AGBL1: variants seen among roughly 807,000 people sequenced by gnomAD.
The protein encoded by AGBL1 is cytosolic carboxypeptidase 4.
AGBL1 carries 130 observed loss-of-function variants against 118.9 expected under a neutral mutation model. The ratio of observed to expected loss-of-function variants is 1.09; its 90% CI spans 0.95 to 1.26. The LOEUF is 1.26. Ranked by LOEUF, AGBL1 falls within the 50% of genes most tolerant of loss-of-function variation. The pLI, the probability that AGBL1 is intolerant of heterozygous loss-of-function variation, is 0.00. For missense variants in AGBL1, 1,584 were observed against 1,298.1 expected (o/e 1.22, Z -3.38); for synonymous variants, 555 against 478.9 (o/e 1.16, Z -2.08).
intron 22 of AGBL1, among the ~76,000 whole-genome samples, chr15:86,807,439 A>T (rs548785840): frequency 6.6e-6 from 1 of 152,278 alleles, no homozygotes; most frequent in African/African-American, 2.4e-5. Flanking sequence ...GTGGTTGCTG[A>T]TGACAACAGT....
intron 17 of AGBL1, 75 bp downstream of exon 17, chr15:86,295,483 C>T (rs2141776429): frequency 2.1e-6 from 3 of 1,432,012 alleles, no homozygotes; most frequent in East Asian, 2.4e-5. Context: ...CATTCTGTCT[C>T]TTTTAGATCA....
intron 21 of AGBL1, among the ~76,000 whole-genome samples, chr15:86,580,549 G>A (rs2084159649): frequency 6.6e-6 from 1 of 151,856 alleles, no homozygotes; most frequent in Non-Finnish European, 1.5e-5. Flanking sequence ...TACATTTATG[G>A]ATCATTAATT....
At position 86,570,596 on chromosome 15, in the gene AGBL1, A is replaced by G. The variant is rs561221620; in HGVS notation, c.2994+16059A>G. Among the ~76,000 whole-genome samples, 70 of 152,312 alleles carry G rather than the reference A, an allele frequency of 4.6e-4. 1 individual carries two copies. The South Asian group carries it at 0.015, about 32-fold the overall frequency. On this transcript the variant is annotated intron_variant, in intron 21 of 22. Transcript: ENST00000614907. ...GTCCATGAGTGTTAATATGTTAATG[A>G]GCATATAATGACATTCTAGGAGAAA...
intron 23 of AGBL1, among the ~76,000 whole-genome samples, chr15:86,928,421 G>C (rs1283390610): frequency 6.6e-6 from 1 of 152,140 alleles, no homozygotes; most frequent in Non-Finnish European, 1.5e-5. Context: ...AATCAATCCT[G>C]ACAATGAACC....
intron 4 of AGBL1, among the ~76,000 whole-genome samples, chr15:86,156,680 A>C (rs1343720285): frequency 6.6e-6 from 1 of 152,166 alleles, no homozygotes; most frequent in Non-Finnish European, 1.5e-5. Flanking sequence ...GTCTTTTGAA[A>C]TAGTAGAATG....
At chr15:86,849,253 G>T (rs769455779) in intron 22 of AGBL1, among the ~76,000 whole-genome samples, 5 of 152,154 alleles carry the variant, frequency 3.3e-5, no homozygotes, top group Non-Finnish European at 5.9e-5. Flanking sequence ...AGCTTTCTCT[G>T]CTTTGCCTCA....
At chr15:86,958,601 C>A (rs943385705) in intron 23 of AGBL1, among the ~76,000 whole-genome samples, 5 of 152,130 alleles carry the variant, frequency 3.3e-5, no homozygotes, top group Non-Finnish European at 7.4e-5. Flanking sequence ...CTGTGCTATA[C>A]ACATAAATCT....
intron 19 of AGBL1, among the ~76,000 whole-genome samples, chr15:86,539,701 T>G (rs557975224): frequency 1.3e-5 from 2 of 152,228 alleles, no homozygotes; most frequent in African/African-American, 4.8e-5. Flanking sequence ...TGTCATTTGC[T>G]TGGATAGCTC....
chr15:86,876,173 C>T (rs1269466392), intron 22 of AGBL1, among the ~76,000 whole-genome samples: 1 of 152,032 alleles, frequency 6.6e-6, no homozygotes, highest in Non-Finnish European at 1.5e-5. Flanking sequence ...TCCTGTATAC[C>T]AAGGACTCTG....
At chr15:86,556,134 A>G (rs1258196412) in intron 21 of AGBL1, 6 of 1,104,408 alleles carry the variant, frequency 5.4e-6, no homozygotes, top group Non-Finnish European at 6.6e-6. Context: ...CATTCACAAT[A>G]AATCAGCTGG....
intron 22 of AGBL1, among the ~76,000 whole-genome samples, chr15:86,747,136 A>G (rs75812927): frequency 6.6e-6 from 1 of 152,186 alleles, no homozygotes; most frequent in Non-Finnish European, 1.5e-5. Flanking sequence ...CGCCTTTAAA[A>G]GAGCATGGGC....
intron 21 of AGBL1, among the ~76,000 whole-genome samples, chr15:86,618,459 C>T (rs2084760321): frequency 6.6e-6 from 1 of 152,160 alleles, no homozygotes; most frequent in Admixed American, 6.6e-5. Flanking sequence ...TCATCAGACT[C>T]ATTTGGGGCT....
intron 22 of AGBL1, among the ~76,000 whole-genome samples, chr15:86,785,549 G>A (rs2078399680): frequency 6.6e-6 from 1 of 151,742 alleles, no homozygotes; most frequent in African/African-American, 2.4e-5. Flanking sequence ...TGTATTTTTA[G>A]TAGAGACGGG....
chr15:86,369,434 A>G (rs936332240), intron 17 of AGBL1, among the ~76,000 whole-genome samples: 1 of 152,156 alleles, frequency 6.6e-6, no homozygotes, highest in Non-Finnish European at 1.5e-5. Flanking sequence ...CTATAATTTG[A>G]TTGACACTAA....
chr15:86,978,593 G>C (rs1465826191), intron 23 of AGBL1, among the ~76,000 whole-genome samples: 1 of 152,084 alleles, frequency 6.6e-6, no homozygotes, highest in African/African-American at 2.4e-5. Flanking sequence ...ATATAAACCA[G>C]CTCAGAAACC....
At chr15:86,820,867 A>C (rs2078932839) in intron 22 of AGBL1, among the ~76,000 whole-genome samples, 1 of 152,326 alleles carries the variant, frequency 6.6e-6, no homozygotes, top group East Asian at 1.9e-4. Flanking sequence ...TCTACTTTAA[A>C]GACACATGCA....
intron 18 of AGBL1, among the ~76,000 whole-genome samples, chr15:86,495,088 CCG>C (rs1491492998): frequency 2.7e-4 from 41 of 151,346 alleles, no homozygotes; most frequent in Non-Finnish European, 5.5e-4. Context: ...CTAGTGCGCT[CCG>C]TCTGTCTCGC....
chr15:86,086,084 T>C (rs1341622987), intron 1 of AGBL1, among the ~76,000 whole-genome samples: 1 of 152,128 alleles, frequency 6.6e-6, no homozygotes, highest in Non-Finnish European at 1.5e-5. Context: ...CTGAGGCAAA[T>C]GGCCAACAGC....
intron 18 of AGBL1, among the ~76,000 whole-genome samples, chr15:86,479,424 T>C (rs2082615333): frequency 6.6e-6 from 1 of 152,186 alleles, no homozygotes; most frequent in Non-Finnish European, 1.5e-5. Context: ...GCAAAGGATA[T>C]GAACAGACAC....
Sources: allele counts gnomAD v4.1 joint callset (sites outside exome capture counted in the v4.1 genomes callset), GRCh38; gene constraint gnomAD v4.1.1; transcripts MANE v1.5; gene names NCBI Gene and HGNC (gene_info 2026-07-23, HGNC 2026-07-21).